Variants in KIF3C observed in about 807,000 individuals in gnomAD.
The protein encoded by KIF3C is kinesin family member 3C.
Under a neutral mutation model 67.7 loss-of-function variants are expected in KIF3C, and 12 were observed. That is an observed-to-expected ratio of 0.18 (90% CI 0.11 to 0.29). The LOEUF (loss-of-function observed/expected upper bound fraction) is 0.29. Ranked by LOEUF, KIF3C falls within the 10% of genes least tolerant of loss-of-function variation. KIF3C has a pLI of 1.00. For missense variants in KIF3C, 789 were observed against 1,059.6 expected, an observed-to-expected ratio of 0.74 and a Z score of 3.55; for synonymous variants, 393 against 426.2, an observed-to-expected ratio of 0.92 and a Z score of 0.96.
intron 4 of KIF3C, among the ~76,000 whole-genome samples, chr2:25,952,621 G>A (rs1296957242): frequency 2.0e-5 from 3 of 150,192 alleles, no homozygotes; most frequent in Admixed American, 6.7e-5. Context: ...GCAATGGCAC[G>A]ATCTCAGCTC....
At chr2:25,963,002 A>G (rs1324925231) in intron 1 of KIF3C, among the ~76,000 whole-genome samples, 1 of 47,834 alleles carries the variant, frequency 2.1e-5, no homozygotes, top group Non-Finnish European at 3.1e-5. Context: ...TATATAATAT[A>G]TAATATATAA....
intron 5 of KIF3C, among the ~76,000 whole-genome samples, chr2:25,945,131 C>CAAAAA (rs60379654): frequency 7.4e-6 from 1 of 135,936 alleles, no homozygotes; most frequent in Non-Finnish European, 1.6e-5. Flanking sequence ...AACTCTATCT[C>CAAAAA]AAAAAAAAAA....
intron 1 of KIF3C, among the ~76,000 whole-genome samples, chr2:25,973,399 C>G (rs1366586846): frequency 1.3e-5 from 2 of 151,994 alleles, no homozygotes; most frequent in Non-Finnish European, 2.9e-5. Flanking sequence ...ACTAAAAATA[C>G]AAAACTTAGC....
At chr2:25,934,868 C>T (rs1040366638) in intron 5 of KIF3C, among the ~76,000 whole-genome samples, 3 of 150,384 alleles carry the variant, frequency 2.0e-5, no homozygotes, top group African/African-American at 4.9e-5. Flanking sequence ...GAGGCTGTAG[C>T]GTGCTATGAT....
chr2:25,944,371 G>C (rs1443931236), intron 5 of KIF3C, among the ~76,000 whole-genome samples: 1 of 143,286 alleles, frequency 7.0e-6, no homozygotes, highest in East Asian at 2.0e-4. Flanking sequence ...TTTTGAGACA[G>C]GGTCTCACTC....
intron 5 of KIF3C, among the ~76,000 whole-genome samples, chr2:25,934,662 C>T (rs919185629): frequency 6.6e-6 from 1 of 152,054 alleles, no homozygotes; most frequent in Admixed American, 6.6e-5. Context: ...AAATCCACTA[C>T]ATTATTAAGC....
chr2:25,978,756 T>TG (rs779224710), intron 1 of KIF3C, among the ~76,000 whole-genome samples: 4 of 151,636 alleles, frequency 2.6e-5, no homozygotes, highest in African/African-American at 9.7e-5. Flanking sequence ...TTCAGGGAGG[T>TG]GGGGGGTCTT....
chr2:25,978,913 T>G (rs1417911225), intron 1 of KIF3C, among the ~76,000 whole-genome samples: 1 of 152,068 alleles, frequency 6.6e-6, no homozygotes, highest in Non-Finnish European at 1.5e-5. Flanking sequence ...ATCCTTTCCT[T>G]GAGGAAACAG....
At chr2:25,939,172 T>C (rs879597517) in intron 5 of KIF3C, among the ~76,000 whole-genome samples, 1 of 152,198 alleles carries the variant, frequency 6.6e-6, no homozygotes, top group African/African-American at 2.4e-5. Context: ...TTTGCCATGT[T>C]GGCCAGGCTG....
In KIF3C at chr2:25,954,318, C is replaced by T; in HGVS notation, c.1838G>A (p.Arg613Gln). 6.2e-7 allele frequency: 1 copy of T among 1,614,134 alleles called. No individual in the cohort carries two copies. Residue 613 changes from arginine (R) to glutamine (Q), a missense_variant, in exon 4 of 8, where the codon CGG (arginine) becomes CAG (glutamine). By Grantham distance (43) the Arg-to-Gln change is conservative. Coordinates refer to ENST00000264712, the MANE Select transcript of KIF3C (RefSeq NM_002254.8). Reference protein sequence around the residue: ...QDQHDEYIRVRQDLEEAQNEQ... With the variant: ...QDQHDEYIRVQQDLEEAQNEQ... Reference sequence around the variant, plus strand: ...GTTCTGCGCCTCCTCCAGGTCCTGCCGCACGCGGATATACTCATCATGCTG... The same window carrying T: ...GTTCTGCGCCTCCTCCAGGTCCTGCTGCACGCGGATATACTCATCATGCTG...
rs1321663322 is a variant in KIF3C at position 25,927,635 on chromosome 2, G to A, written c.*1343C>T. ...GTCAGTCTCATGGTTTCACCCCAACGACAGCACTCTTCATATTCTAGGAAC... is the reference window on the plus strand; with the variant it reads ...GTCAGTCTCATGGTTTCACCCCAACAACAGCACTCTTCATATTCTAGGAAC... On this transcript the variant is annotated 3_prime_UTR_variant, in exon 8 of 8. Coordinates refer to ENST00000264712, the MANE Select transcript of KIF3C (RefSeq NM_002254.8). 1 of 151,806 alleles carries A rather than the reference G, an allele frequency of 6.6e-6. No individual in the cohort carries two copies. Among genetic ancestry groups the A allele is most frequent in the Admixed American group, 6.6e-5 (1 of 15,184 alleles). 9.4% of individuals were successfully genotyped at this position (151,806 alleles called of 1,614,324 possible).
At chr2:25,938,432 C>T in intron 5 of KIF3C, 1 of 361,566 alleles carries the variant, frequency 2.8e-6, no homozygotes, top group Non-Finnish European at 5.5e-6. Flanking sequence ...GGTGGGGGTT[C>T]CCCCCAAGGA....
chr2:25,980,452 A>G lies in KIF3C; in HGVS notation c.1466T>C (p.Leu489Pro). Residue 489 changes from leucine to proline, a missense_variant, in exon 1 of 8, where the codon CTG becomes CCG. Leu to Pro is a moderately conservative substitution (Grantham distance 98, BLOSUM62 -3). Transcript: ENST00000264712. This position sits in a 1 kb window ranked among gnomAD's most constrained non-coding sequence, Gnocchi z 7.6. ...RSLVSEEKQK[L>P]LEEKEKMLED... is the part of the protein sequence containing the mutation. Reference sequence around the variant, plus strand: ...CAGCATCTTCTCCTTCTCCTCCAGCAGCTTCTGCTTCTCCTCGCTCACCAG... The same window carrying G: ...CAGCATCTTCTCCTTCTCCTCCAGCGGCTTCTGCTTCTCCTCGCTCACCAG... The G allele has an allele frequency of 1.9e-6, 3 of 1,614,052 alleles. No individual in the cohort carries two copies. Among genetic ancestry groups the G allele is most frequent in the Non-Finnish European group, 2.5e-6 (3 of 1,180,006 alleles).
intron 5 of KIF3C, among the ~76,000 whole-genome samples, chr2:25,938,068 A>T (rs1574479624): frequency 6.6e-6 from 1 of 150,730 alleles, no homozygotes; most frequent in Non-Finnish European, 1.5e-5. Flanking sequence ...AAAAAAAATT[A>T]TTATTATTTT....
rs150223818 is a variant in KIF3C at position 25,976,903 on chromosome 2, T to G, written c.1545+3470A>C. The stretch of plus-strand genomic sequence containing the variant: ...CAGTATGTATACTGCGCACAAATAT[T>G]TGGGTTTTCACTGCGCAGTACCAAA... On this transcript the variant is annotated intron_variant, in intron 1 of 7. Transcript: ENST00000264712. Among the ~76,000 whole-genome samples, 73 of 152,212 alleles carry G rather than the reference T, an allele frequency of 4.8e-4. 1 individual carries two copies. In the East Asian group the frequency reaches 0.014, roughly 29 times the overall value.
At chr2:25,954,421 G>A (rs201239033) in intron 3 of KIF3C, 36 bp from the exon 4 acceptor site, 71 of 1,530,804 alleles carry the variant, frequency 4.6e-5, no homozygotes, top group Non-Finnish European at 3.6e-6. Flanking sequence ...AGGCTGCTTG[G>A]TGTGGCAACG....
chr2:25,950,206 CCTTTT>C (rs1050733934), intron 5 of KIF3C, among the ~76,000 whole-genome samples: 36 of 147,136 alleles, frequency 2.4e-4, no homozygotes, highest in Admixed American at 2.0e-4. Context: ...AGCAGAAAGA[CCTTTT>C]CTTTTCTTTT....
chr2:25,943,607 G>T (rs1663349700), intron 5 of KIF3C, among the ~76,000 whole-genome samples: 1 of 152,138 alleles, frequency 6.6e-6, no homozygotes, highest in Admixed American at 6.6e-5. Context: ...ATTTTGGGAG[G>T]CCGAGGTGGG....
At chr2:25,934,052 A>T in intron 5 of KIF3C, 1 of 457,490 alleles carries the variant, frequency 2.2e-6, no homozygotes, top group Non-Finnish European at 4.5e-6. Context: ...GGAATGAAGT[A>T]CTGATGAGTG....
Sources: allele counts gnomAD v4.1 joint callset (sites outside exome capture counted in the v4.1 genomes callset), GRCh38; gene constraint gnomAD v4.1.1; non-coding constraint Gnocchi (gnomAD v3.1); transcripts MANE v1.5; gene names NCBI Gene and HGNC (gene_info 2026-07-23, HGNC 2026-07-21).